The following TMEM135 variants were observed in gnomAD, a reference collection of about 807,000 sequenced individuals.
TMEM135 encodes peroxisomal membrane protein 52.
Under a neutral mutation model 60.3 loss-of-function variants are expected in TMEM135, and 30 were observed. That is an observed-to-expected ratio of 0.50 (90% CI 0.37 to 0.68). The LOEUF is 0.68. Ranked by LOEUF, TMEM135 falls within the 30% of genes least tolerant of loss-of-function variation. The pLI is 0.00. For synonymous variants in TMEM135, 190 were observed against 186.7 expected (o/e 1.02, Z -0.14); for missense variants, 468 against 548.8 (o/e 0.85, Z 1.47).
At chr11:87,191,618 G>A (rs1422034406) in intron 5 of TMEM135, among the ~76,000 whole-genome samples, 1 of 152,172 alleles carries the variant, frequency 6.6e-6, no homozygotes. Context: ...GAAGGAAGAA[G>A]TGAAGAATTT....
At chr11:87,121,214 T>A (rs549151103) in intron 4 of TMEM135, 1 of 152,288 alleles carries the variant, frequency 6.6e-6, no homozygotes, top group East Asian at 1.9e-4. Context: ...AGTCCTGAGT[T>A]GATGGGGCAT....
At chr11:87,069,308 A>AG (rs869067131) in intron 2 of TMEM135, among the ~76,000 whole-genome samples, 1 of 145,576 alleles carries the variant, frequency 6.9e-6, no homozygotes, top group African/African-American at 2.5e-5. Context: ...AAAAAAAAAA[A>AG]GAAGAAGAAA....
intron 6 of TMEM135, among the ~76,000 whole-genome samples, chr11:87,285,868 C>T (rs561303567): frequency 8.5e-5 from 13 of 152,222 alleles, no homozygotes; most frequent in African/African-American, 3.1e-4. Flanking sequence ...GTCCGTTTTA[C>T]AGAGAGCTGA....
chr11:87,088,918 G>A (rs1000718962), intron 3 of TMEM135, among the ~76,000 whole-genome samples: 1 of 152,168 alleles, frequency 6.6e-6, no homozygotes, highest in African/African-American at 2.4e-5. Context: ...TTGAGCACCA[G>A]CATGATGCCA....
At chr11:87,286,776 C>T (rs2135425672) in intron 6 of TMEM135, among the ~76,000 whole-genome samples, 1 of 152,314 alleles carries the variant, frequency 6.6e-6, no homozygotes, top group East Asian at 1.9e-4. Flanking sequence ...ATTGTATTCA[C>T]TCTGATTAAA....
chr11:87,327,943 C>T lies in TMEM135; in HGVS notation c.*6610C>T, dbSNP rs1183865448. 1 of 453,880 alleles carries T rather than the reference C, an allele frequency of 2.2e-6. No individual in the cohort carries two copies. Among genetic ancestry groups the T allele is most frequent in the Non-Finnish European group, 4.4e-6 (1 of 226,762 alleles). The allele number at this position is 453,880 out of a possible 1,614,324, so 28.1% of individuals were successfully genotyped here. On this transcript the variant is annotated 3_prime_UTR_variant, in exon 15 of 15. Coordinates refer to ENST00000305494, the MANE Select transcript of TMEM135 (RefSeq NM_022918.4). ...GCCTCCAGTGGATTGGAGGTGCCTG[C>T]CCATATTGAGGGCAGATCTTCTCTG...
At chr11:87,132,133 A>G (rs1044121429) in intron 4 of TMEM135, among the ~76,000 whole-genome samples, 1 of 152,130 alleles carries the variant, frequency 6.6e-6, no homozygotes, top group Non-Finnish European at 1.5e-5. Context: ...ATGTAATAAG[A>G]TAAATAAAGT....
intron 6 of TMEM135, among the ~76,000 whole-genome samples, chr11:87,247,514 C>G (rs563933382): frequency 2.6e-5 from 4 of 152,216 alleles, no homozygotes; most frequent in African/African-American, 4.8e-5. Flanking sequence ...CCACCCAGTT[C>G]GAGCTTCCCA....
chr11:87,247,550 T>A (rs532861883), intron 6 of TMEM135, among the ~76,000 whole-genome samples: 1 of 152,274 alleles, frequency 6.6e-6, no homozygotes, highest in Non-Finnish European at 1.5e-5. Context: ...TAAGCAAGCC[T>A]GGGCAATGGC....
chr11:87,273,737 AT>A (rs1352396724), intron 6 of TMEM135, among the ~76,000 whole-genome samples: 1 of 152,232 alleles, frequency 6.6e-6, no homozygotes, highest in Non-Finnish European at 1.5e-5. Flanking sequence ...GATAATTGAT[AT>A]ATTACTTTAT....
At chr11:87,079,893 G>A (rs533791605) in intron 3 of TMEM135, among the ~76,000 whole-genome samples, 1 of 143,120 alleles carries the variant, frequency 7.0e-6, no homozygotes, top group South Asian at 2.2e-4. Flanking sequence ...CCAGGCTGGA[G>A]TGCAGTGGCG....
chr11:87,186,207 A>G (rs1028563271), intron 5 of TMEM135, among the ~76,000 whole-genome samples: 4 of 152,118 alleles, frequency 2.6e-5, no homozygotes, highest in African/African-American at 7.2e-5. Context: ...GCCCAGCTGT[A>G]GTTATCCTTC....
At chr11:87,133,301 A>T (rs1447988674) in intron 4 of TMEM135, among the ~76,000 whole-genome samples, 2 of 152,210 alleles carry the variant, frequency 1.3e-5, no homozygotes, top group Non-Finnish European at 2.9e-5. Context: ...ATACGTTTTG[A>T]CATGTTTATA....
chr11:87,185,622 C>T lies in TMEM135; in HGVS notation c.462+28216C>T, dbSNP rs192510243. 1.1e-3 allele frequency among the ~76,000 whole-genome samples: 173 copies of T among 152,092 alleles called. 1 individual carries two copies. The highest frequency in any genetic ancestry group is 3.1e-3 in the Admixed American group (47 of 15,276). ...ATGTCTTGTTAGCAGTCATTGGTGA[C>T]GATTACCTATCATTACTTGTGTTTA... On this transcript the variant is annotated intron_variant, in intron 5 of 14. Transcript: ENST00000305494.
rs371512501 is a variant in TMEM135, at chr11:87,088,703, A to T, written c.363-2659A>T. ...AATGATTTTCCTTTATTCCAATGTC[A>T]CAATCTCCAAAGATATTAGAAACCT... On this transcript the variant is annotated intron_variant, in intron 3 of 14. Transcript: ENST00000305494. Among the ~76,000 whole-genome samples, 8 of 152,314 alleles carry T rather than the reference A, an allele frequency of 5.3e-5. No individual in the cohort carries two copies. In the East Asian group the frequency reaches 1.5e-3, roughly 29 times the overall value.
chr11:87,105,678 A>C (rs1857577006), intron 4 of TMEM135, among the ~76,000 whole-genome samples: 1 of 152,256 alleles, frequency 6.6e-6, no homozygotes, highest in Non-Finnish European at 1.5e-5. Context: ...ATTTTGATAC[A>C]TGCATAGACT....
At chr11:87,250,615 G>T (rs518557) in intron 6 of TMEM135, among the ~76,000 whole-genome samples, 1 of 151,664 alleles carries the variant, frequency 6.6e-6, no homozygotes, top group Non-Finnish European at 1.5e-5. Context: ...ATTTTTTTCC[G>T]TTCTGGTCAG....
chr11:87,140,396 G>A (rs1425351107), intron 4 of TMEM135, among the ~76,000 whole-genome samples: 1 of 152,118 alleles, frequency 6.6e-6, no homozygotes, highest in African/African-American at 2.4e-5. Context: ...TAAGTAATGG[G>A]CTATCATGGG....
At chr11:87,268,765 C>A (rs994838719) in intron 6 of TMEM135, among the ~76,000 whole-genome samples, 2 of 151,780 alleles carry the variant, frequency 1.3e-5, no homozygotes, top group African/African-American at 4.8e-5. Flanking sequence ...CTTGTGGAAA[C>A]CTGATTAGAG....
Sources: allele counts gnomAD v4.1 joint callset (sites outside exome capture counted in the v4.1 genomes callset), GRCh38; gene constraint gnomAD v4.1.1; transcripts MANE v1.5; gene names NCBI Gene and HGNC (gene_info 2026-07-23, HGNC 2026-07-21).